Variants in JPH3 observed in about 807,000 individuals in gnomAD.
JPH3 encodes the protein junctophilin-3.
Under a neutral mutation model 59.6 loss-of-function variants are expected in JPH3, and 11 were observed. That is an observed-to-expected ratio of 0.18 (90% CI 0.12 to 0.31). The LOEUF (loss-of-function observed/expected upper bound fraction) is 0.31. Ranked by LOEUF, JPH3 falls within the 10% of genes least tolerant of loss-of-function variation. The probability of loss-of-function intolerance (pLI) is 1.00; values close to 1 mark genes in which losing one functional copy is unlikely to be tolerated. For missense variants in JPH3, 1,202 were observed against 1,105.7 expected (o/e 1.09, Z -1.24); for synonymous variants, 673 against 483.6 (o/e 1.39, Z -5.14).
At chr16:87,604,617 A>G (rs1438743655) in intron 1 of JPH3, 10 of 1,203,446 alleles carry the variant, frequency 8.3e-6, no homozygotes, top group South Asian at 4.8e-5. Flanking sequence ...GAGAATAAAA[A>G]TCCTGAGCGT....
chr16:87,691,946 T>A, intron 4 of JPH3, among the ~76,000 whole-genome samples: 1 of 151,980 alleles, frequency 6.6e-6, no homozygotes, highest in East Asian at 1.9e-4. Flanking sequence ...GCACTGACAC[T>A]TTTGGGTGCT....
At chr16:87,675,151 C>G (rs1366548080) in intron 2 of JPH3, among the ~76,000 whole-genome samples, 1 of 149,808 alleles carries the variant, frequency 6.7e-6, no homozygotes, top group African/African-American at 2.5e-5. Context: ...ACCCCATGCC[C>G]CACCCCCCAG....
At chr16:87,685,118 A>C (rs2033385876) in intron 3 of JPH3, among the ~76,000 whole-genome samples, 1 of 152,166 alleles carries the variant, frequency 6.6e-6, no homozygotes, top group South Asian at 2.1e-4. Flanking sequence ...CCAGGACAGG[A>C]TGAGGAGCCC....
At chr16:87,608,492 A>T (rs2030610917) in intron 1 of JPH3, among the ~76,000 whole-genome samples, 1 of 152,150 alleles carries the variant, frequency 6.6e-6, no homozygotes, top group Non-Finnish European at 1.5e-5. Flanking sequence ...CATGCGGTGG[A>T]TGGAGCCACC....
At chr16:87,612,532 G>T (rs1226009141) in intron 1 of JPH3, among the ~76,000 whole-genome samples, 1 of 152,152 alleles carries the variant, frequency 6.6e-6, no homozygotes, top group Non-Finnish European at 1.5e-5. Context: ...TCTGTAGCTG[G>T]ACATCACTTG....
intron 1 of JPH3, among the ~76,000 whole-genome samples, chr16:87,623,237 C>T (rs1375942002): frequency 1.3e-5 from 2 of 152,222 alleles, no homozygotes; most frequent in East Asian, 3.9e-4. Context: ...GAGCATCCCT[C>T]CCCCAAGGCC....
At chr16:87,630,151 A>T (rs905198127) in intron 1 of JPH3, among the ~76,000 whole-genome samples, 8 of 152,220 alleles carry the variant, frequency 5.3e-5, no homozygotes, top group Non-Finnish European at 1.0e-4. Context: ...GTGGACCTTC[A>T]GCCCCCACAC....
At chr16:87,656,019 C>T (rs1017322005) in intron 2 of JPH3, among the ~76,000 whole-genome samples, 4 of 152,164 alleles carry the variant, frequency 2.6e-5, no homozygotes, top group African/African-American at 9.7e-5. Context: ...AGTGGAGCCT[C>T]GATAGTGGGT....
chr16:87,668,938 G>T (rs569519823), intron 2 of JPH3, among the ~76,000 whole-genome samples: 2 of 152,106 alleles, frequency 1.3e-5, no homozygotes, highest in African/African-American at 2.4e-5. Flanking sequence ...TCGCCTCCAC[G>T]TGGGCTCCAG....
Position 87,689,586 on chromosome 16 carries a change from G to A in JPH3, c.1286-60G>A, listed in dbSNP as rs879102148. On this transcript the variant is annotated intron_variant, in intron 3 of 4. Transcript: ENST00000284262. ...TCTGGCGCCCTGGCCCGGGGACCGC[G>A]GCCTCGCTGTGGAATGTGCTGGGTA... 15 of 1,558,062 alleles carry A rather than the reference G, an allele frequency of 9.6e-6. No homozygotes were observed. In the South Asian group the frequency reaches 1.0e-4, roughly 11 times the overall value.
At position 87,644,828 on chromosome 16, in the gene JPH3, A is replaced by C; in HGVS notation, c.953A>C (p.Asn318Thr). ...GLKYEGEWAS[N>T]RRHGYGCMTF... ...AAGTACGAGGGCGAGTGGGCCAGCAACCGGCGCCATGGCTACGGCTGCATG... is the reference window on the plus strand; with the variant it reads ...AAGTACGAGGGCGAGTGGGCCAGCACCCGGCGCCATGGCTACGGCTGCATG... The change falls in exon 2 of 5, where the codon AAC becomes ACC. Residue 318 changes from asparagine (N) to threonine (T), a missense_variant. Transcript: ENST00000284262. 6.2e-7 allele frequency: 1 copy of C among 1,613,372 alleles called. No homozygotes were observed. Among genetic ancestry groups the C allele is most frequent in the Non-Finnish European group, 8.5e-7 (1 of 1,179,884 alleles).
At chr16:87,687,001 G>A (rs533282192) in intron 3 of JPH3, among the ~76,000 whole-genome samples, 2 of 152,188 alleles carry the variant, frequency 1.3e-5, no homozygotes, top group Non-Finnish European at 2.9e-5. Flanking sequence ...GTGGCGCCCC[G>A]GAGCCTTCTC....
chr16:87,658,925 G>A (rs1222643406), intron 2 of JPH3, among the ~76,000 whole-genome samples: 6 of 152,246 alleles, frequency 3.9e-5, no homozygotes, highest in Non-Finnish European at 7.3e-5. Flanking sequence ...AGCTTGACTG[G>A]CTGGTGTCTT....
chr16:87,696,515 G>A, intron 4 of JPH3, 65 bp from the exon 5 acceptor site: 1 of 1,328,278 alleles, frequency 7.5e-7, no homozygotes, highest in Non-Finnish European at 1.1e-6. Flanking sequence ...GTGGGTGGGA[G>A]GCGTGGTGGC....
chr16:87,628,670 C>T (rs1219757351), intron 1 of JPH3, among the ~76,000 whole-genome samples: 2 of 152,204 alleles, frequency 1.3e-5, no homozygotes, highest in African/African-American at 2.4e-5. Flanking sequence ...GTCTCCCTCG[C>T]GGGGCTGTGC....
chr16:87,608,039 A>T (rs1251440908), intron 1 of JPH3, among the ~76,000 whole-genome samples: 2 of 152,256 alleles, frequency 1.3e-5, no homozygotes, highest in African/African-American at 4.8e-5. Context: ...AGGCCGTTTG[A>T]TGGGCTTTGT....
intron 2 of JPH3, among the ~76,000 whole-genome samples, chr16:87,659,681 C>T (rs993379094): frequency 3.3e-5 from 5 of 151,706 alleles, no homozygotes; most frequent in African/African-American, 4.8e-5. Flanking sequence ...TGCAGTAAGC[C>T]GAGATAGCAC....
At chr16:87,684,289 C>G in intron 3 of JPH3, 23 bp downstream of exon 3, 2 of 1,612,692 alleles carry the variant, frequency 1.2e-6, no homozygotes, top group Non-Finnish European at 1.7e-6. Flanking sequence ...GGGCCTGATA[C>G]TGGCATCGTG....
intron 4 of JPH3, chr16:87,695,649 G>A (rs1315083214): frequency 6.6e-6 from 3 of 455,942 alleles, no homozygotes; most frequent in South Asian, 3.1e-5. Context: ...TCCATTCCCT[G>A]TGCAGCAGGT....
Sources: allele counts gnomAD v4.1 joint callset (sites outside exome capture counted in the v4.1 genomes callset), GRCh38; gene constraint gnomAD v4.1.1; transcripts MANE v1.5; gene names NCBI Gene and HGNC (gene_info 2026-07-23, HGNC 2026-07-21).